Variants in PMM2 observed in about 807,000 individuals in gnomAD.
The protein encoded by PMM2 is phosphomannomutase 2.
A neutral mutation model predicts 33.2 loss-of-function variants in PMM2; 35 were observed. The observed-to-expected ratio is 1.06, with a 90% CI of 0.81 to 1.40. The LOEUF (loss-of-function observed/expected upper bound fraction) is 1.40, where lower values mean the gene tolerates loss of function less well. Ranked by LOEUF, PMM2 falls within the 40% of genes most tolerant of loss-of-function variation. The pLI is 0.00. For missense variants in PMM2, 386 were observed against 306.0 expected (o/e 1.26, Z -1.95); for synonymous variants, 153 against 114.7 (o/e 1.33, Z -2.13).
At chr16:8,819,159 A>AG (rs1475853856) in intron 7 of PMM2, among the ~76,000 whole-genome samples, 7 of 152,226 alleles carry the variant, frequency 4.6e-5, no homozygotes, top group African/African-American at 1.7e-4. Flanking sequence ...AGACTCACGC[A>AG]GAGGGTTCAG....
At chr16:8,812,944 C>T (rs757513036) in intron 6 of PMM2, 47 bp from the exon 7 acceptor site, 1 of 1,007,718 alleles carries the variant, frequency 9.9e-7, no homozygotes. Context: ...ATATCATTAG[C>T]CCCTTTTTCA....
rs766758180 is a variant in PMM2, at chr16:8,806,451, A to G, written c.347+44A>G. 4.3e-6 allele frequency: 5 copies of G among 1,165,492 alleles called. No homozygotes were observed. The South Asian group carries it at 6.1e-5, about 14-fold the overall frequency. The allele number at this position is 1,165,492 out of a possible 1,614,324, so 72.2% of individuals were successfully genotyped here. On this transcript the variant is annotated intron_variant, in intron 4 of 7. Transcript: ENST00000268261. ...AAGAGGCGTCACAGGAACATAGCGT[A>G]GTGTCACATGGTGGGCTAATGTGGG...
At chr16:8,839,091 G>A (rs528227095) in intron 7 of PMM2, among the ~76,000 whole-genome samples, 6 of 152,034 alleles carry the variant, frequency 3.9e-5, no homozygotes. Context: ...TTCCAGTACC[G>A]AGAGCAATAG....
intron 7 of PMM2, chr16:8,832,945 T>C (rs999628695): frequency 1.0e-6 from 1 of 984,274 alleles, no homozygotes; most frequent in African/African-American, 1.7e-5. Context: ...GCCCAAGAGC[T>C]GTCTGTTGAT....
chr16:8,845,900 C>T (rs772415817), intron 7 of PMM2, among the ~76,000 whole-genome samples: 6 of 151,602 alleles, frequency 4.0e-5, no homozygotes, highest in African/African-American at 9.7e-5. Context: ...GAGGTTCGCT[C>T]GAGCCCAGCC....
intron 7 of PMM2, among the ~76,000 whole-genome samples, chr16:8,825,221 C>T (rs892322829): frequency 2.6e-5 from 4 of 151,956 alleles, no homozygotes; most frequent in African/African-American, 7.3e-5. Context: ...TTAGTAGAGA[C>T]GGGGTTTCAC....
intron 2 of PMM2, 111 bp downstream of exon 2, chr16:8,802,021 C>G (rs1200577098): frequency 2.7e-6 from 2 of 750,510 alleles, no homozygotes; most frequent in East Asian, 2.9e-5. Context: ...GGCGGGCTTT[C>G]TGCTTCCTTT....
At chr16:8,824,483 C>T (rs1415889038) in intron 7 of PMM2, among the ~76,000 whole-genome samples, 2 of 152,192 alleles carry the variant, frequency 1.3e-5, no homozygotes, top group Non-Finnish European at 1.5e-5. Context: ...ATAACATATA[C>T]TGAGACGTAT....
At chr16:8,809,463 G>A (rs1025279401) in intron 4 of PMM2, 2 of 152,012 alleles carry the variant, frequency 1.3e-5, no homozygotes, top group African/African-American at 4.8e-5. Context: ...TTGTTTGCTT[G>A]TTTTGTTTTT....
At chr16:8,810,928 A>G (rs1355480911) in intron 4 of PMM2, 151 bp from the exon 5 acceptor site, 11 of 675,360 alleles carry the variant, frequency 1.6e-5, no homozygotes, top group Non-Finnish European at 2.4e-5. Context: ...ACAGTAGTTC[A>G]TGGCTACCAT....
At chr16:8,827,482 G>C (rs1011875375) in intron 7 of PMM2, among the ~76,000 whole-genome samples, 2 of 150,000 alleles carry the variant, frequency 1.3e-5, no homozygotes, top group Non-Finnish European at 3.0e-5. Flanking sequence ...TGCAGCCTCT[G>C]CCTCCCGGGT....
chr16:8,845,108 G>T (rs1443906053), intron 7 of PMM2, among the ~76,000 whole-genome samples: 1 of 152,192 alleles, frequency 6.6e-6, no homozygotes, highest in African/African-American at 2.4e-5. Context: ...GGGTGCAGGC[G>T]GGCTGAGTCC....
chr16:8,802,295 C>A (rs1292471609), intron 2 of PMM2: 1 of 456,048 alleles, frequency 2.2e-6, no homozygotes, highest in South Asian at 1.5e-5. Context: ...AACAGAATCT[C>A]CAGCACAGGA....
intron 7 of PMM2, among the ~76,000 whole-genome samples, chr16:8,837,477 A>T (rs1202098301): frequency 6.6e-6 from 1 of 151,818 alleles, no homozygotes; most frequent in Non-Finnish European, 1.5e-5. Context: ...AAGCTTGCCC[A>T]TAGTGAAGGA....
intron 7 of PMM2, among the ~76,000 whole-genome samples, chr16:8,847,188 T>C (rs900987837): frequency 2.0e-5 from 3 of 152,048 alleles, no homozygotes; most frequent in African/African-American, 7.2e-5. Flanking sequence ...TAAATTAAAA[T>C]CAAATTAACT....
At chr16:8,809,852 C>T (rs1185216621) in intron 4 of PMM2, 1 of 151,934 alleles carries the variant, frequency 6.6e-6, no homozygotes, top group Non-Finnish European at 1.5e-5. Context: ...CCTCTGTTAC[C>T]CAGGCTGTAG....
chr16:8,832,490 C>T (rs533635788), intron 7 of PMM2: 39 of 985,306 alleles, frequency 4.0e-5, no homozygotes, highest in South Asian at 9.4e-5. Context: ...AGACTCGTGC[C>T]GTTAGGCCTC....
intron 2 of PMM2, 170 bp downstream of exon 2, chr16:8,802,080 G>A (rs2060619874): frequency 3.3e-6 from 2 of 607,590 alleles, no homozygotes; most frequent in Non-Finnish European, 6.2e-6. Flanking sequence ...TTTTAATCCA[G>A]TACATTTCTG....
chr16:8,831,839 G>A (rs144130511), intron 7 of PMM2, among the ~76,000 whole-genome samples: 2,798 of 152,158 alleles, frequency 0.018, 36 homozygotes, highest in Non-Finnish European at 0.028. Context: ...ATTAATGCGC[G>A]GATTTCACTG....
Sources: allele counts gnomAD v4.1 joint callset (sites outside exome capture counted in the v4.1 genomes callset), GRCh38; gene constraint gnomAD v4.1.1; transcripts MANE v1.5; gene names NCBI Gene and HGNC (gene_info 2026-07-23, HGNC 2026-07-21).